GAB1: variants seen among roughly 807,000 people sequenced by gnomAD.
GAB1 encodes GRB2 associated binding protein 1.
GAB1 carries 19 observed loss-of-function variants against 66.5 expected under a neutral mutation model. That is an observed-to-expected ratio of 0.29 (90% confidence interval 0.20 to 0.42). GAB1 has a LOEUF of 0.42. Ranked by LOEUF, GAB1 falls within the 10% of genes least tolerant of loss-of-function variation. The pLI is 1.00. For missense variants in GAB1, 732 were observed against 858.5 expected (o/e 0.85, Z 1.84); for synonymous variants, 294 against 301.4 (o/e 0.98, Z 0.25).
chr4:143,436,000 A>G (rs1395653568), intron 3 of GAB1, among the ~76,000 whole-genome samples: 1 of 152,218 alleles, frequency 6.6e-6, no homozygotes, highest in Non-Finnish European at 1.5e-5. Context: ...TAGTCAGAGC[A>G]AGGAGCTTTA....
intron 6 of GAB1, among the ~76,000 whole-genome samples, chr4:143,458,458 A>C (rs1158231844): frequency 4.6e-5 from 7 of 152,000 alleles, no homozygotes; most frequent in South Asian, 4.1e-4. Flanking sequence ...TCAAAGATGA[A>C]ATTTTTTGTT....
At chr4:143,462,346 G>T (rs1338616513) in intron 8 of GAB1, among the ~76,000 whole-genome samples, 1 of 151,894 alleles carries the variant, frequency 6.6e-6, no homozygotes, top group Non-Finnish European at 1.5e-5. Flanking sequence ...TTCAACTTTG[G>T]GTAGTTGAGT....
rs1174906362 is a variant in GAB1 at position 143,466,218 on chromosome 4, C to T, written c.1919C>T (p.Pro640Leu). 3 of 1,613,422 alleles carry T rather than the reference C, an allele frequency of 1.9e-6. No individual in the cohort carries two copies. Among genetic ancestry groups the T allele is most frequent in the African/African-American group, 1.3e-5 (1 of 74,904 alleles). Reference protein sequence around the residue: ...LDLDSGKSTPPRKQKSSGSGS... With the variant: ...LDLDSGKSTPLRKQKSSGSGS... ...TTAGATTCTGGGAAATCCACACCAC[C>T]ACGTAAGGTGAGTGACATGTGACAT... is the stretch of plus-strand genomic sequence containing the variant. The change falls in exon 9 of 10, where the codon CCA becomes CTA. Residue 640 changes from proline to leucine, a missense_variant. Transcript: ENST00000262994.
At chr4:143,468,831 G>C (rs1468347548) in intron 9 of GAB1, among the ~76,000 whole-genome samples, 200 bp from the exon 10 acceptor site, 3 of 152,058 alleles carry the variant, frequency 2.0e-5, no homozygotes, top group African/African-American at 7.2e-5. Flanking sequence ...GCTGAGACAG[G>C]AGAATTGCTT....
intron 1 of GAB1, among the ~76,000 whole-genome samples, chr4:143,391,235 C>G (rs1731172546): frequency 6.6e-6 from 1 of 152,120 alleles, no homozygotes; most frequent in South Asian, 2.1e-4. Flanking sequence ...AATCAAAGAG[C>G]TTCTGTAACA....
rs568281286 is a variant in GAB1 at position 143,463,480 on chromosome 4, G to A, written c.1804-2623G>A. Reference sequence around the variant, plus strand: ...TCTATTAAAAATACAAAAATTAGCCGGGCGTGGTGGCAGGCGCCTGTAATC... The same window carrying A: ...TCTATTAAAAATACAAAAATTAGCCAGGCGTGGTGGCAGGCGCCTGTAATC... On this transcript the variant is annotated intron_variant, in intron 8 of 9. Coordinates refer to ENST00000262994, the MANE Select transcript of GAB1 (RefSeq NM_002039.4). 5.3e-5 allele frequency among the ~76,000 whole-genome samples: 8 copies of A among 151,836 alleles called. No individual in the cohort carries two copies. The South Asian group carries it at 6.2e-4, about 12-fold the overall frequency.
At chr4:143,440,015 A>G in intron 5 of GAB1, 64 bp from the exon 6 acceptor site, 1 of 1,484,124 alleles carries the variant, frequency 6.7e-7, no homozygotes, top group Non-Finnish European at 9.3e-7. Flanking sequence ...AGTGTGACTT[A>G]CAATTGTGTT....
At chr4:143,404,987 A>C (rs1011245802) in intron 1 of GAB1, among the ~76,000 whole-genome samples, 1 of 152,242 alleles carries the variant, frequency 6.6e-6, no homozygotes, top group African/African-American at 2.4e-5. Context: ...GCCTCTGTGC[A>C]GGAAAATTTT....
At chr4:143,460,257 A>G (rs1399682481) in intron 7 of GAB1, 107 bp from the exon 8 acceptor site, 39 of 1,035,488 alleles carry the variant, frequency 3.8e-5, no homozygotes, top group Non-Finnish European at 5.5e-5. Context: ...TATAAACATA[A>G]GGGAATATTT....
At chr4:143,373,822 CCTCT>C (rs3049718) in intron 1 of GAB1, among the ~76,000 whole-genome samples, 16,706 of 94,308 alleles carry the variant, frequency 0.18, 1,532 homozygotes, top group South Asian at 0.32. Flanking sequence ...GGAGTGAAAC[CCTCT>C]CTCTCTCTCT....
At position 143,336,989 on chromosome 4, in the gene GAB1, G is replaced by T; in HGVS notation, c.-200G>T. 1.8e-6 allele frequency: 1 copy of T among 554,396 alleles called. No homozygotes were observed. Among genetic ancestry groups the T allele is most frequent in the Non-Finnish European group, 3.2e-6 (1 of 312,064 alleles). The allele number at this position is 554,396 out of a possible 1,614,324, so 34.3% of individuals were successfully genotyped here. On this transcript the variant is annotated 5_prime_UTR_variant, in exon 1 of 10. Coordinates refer to ENST00000262994, the MANE Select transcript of GAB1 (RefSeq NM_002039.4). ...CGCCCGCGGCCCCGGCTCGCGTTCT[G>T]TTCAGGTTCGTGGGCCTGCAGAGGA...
intron 1 of GAB1, among the ~76,000 whole-genome samples, chr4:143,407,933 C>A (rs1732146039): frequency 1.3e-5 from 2 of 151,962 alleles, no homozygotes; most frequent in South Asian, 2.1e-4. Context: ...TTAAATATTT[C>A]AATGTATTAC....
intron 1 of GAB1, chr4:143,382,017 C>T (rs1730677333): frequency 1.3e-5 from 2 of 152,120 alleles, no homozygotes; most frequent in Admixed American, 6.5e-5. Context: ...CTTTTTAGGC[C>T]GCTCACATGA....
intron 1 of GAB1, among the ~76,000 whole-genome samples, chr4:143,368,227 T>C (rs1198532378): frequency 1.3e-5 from 2 of 152,096 alleles, no homozygotes; most frequent in East Asian, 3.8e-4. Flanking sequence ...TAATTTCTTC[T>C]ATTCTAATGA....
At chr4:143,418,953 G>A (rs1189816257) in intron 2 of GAB1, among the ~76,000 whole-genome samples, 1 of 152,114 alleles carries the variant, frequency 6.6e-6, no homozygotes, top group African/African-American at 2.4e-5. Context: ...TCTGCTCTGG[G>A]AAGGAAAGCT....
chr4:143,432,907 G>T (rs1733736485), intron 2 of GAB1, among the ~76,000 whole-genome samples: 1 of 152,194 alleles, frequency 6.6e-6, no homozygotes, highest in South Asian at 2.1e-4. Context: ...ATAAAGTTAT[G>T]AGCTGAGGGA....
At chr4:143,455,296 A>G (rs1012910254) in intron 6 of GAB1, among the ~76,000 whole-genome samples, 2 of 152,204 alleles carry the variant, frequency 1.3e-5, no homozygotes, top group Non-Finnish European at 2.9e-5. Flanking sequence ...AGGAGAAACA[A>G]TCAGTTTCAG....
At position 143,439,817 on chromosome 4, in the gene GAB1, A is replaced by G; in HGVS notation, c.1211A>G (p.Asp404Gly). Residue 404 changes from aspartate to glycine, a missense_variant, in exon 5 of 10, where the codon GAC becomes GGC. Physicochemically the swap from Asp to Gly is moderately conservative, Grantham distance 94 (BLOSUM62 -1). Transcript: ENST00000262994. ...TTTATTTTAGATGCTAGTTCTCAAG[A>G]CTGCTATGATATTCCACGAGCATTT... ...NKLRKDASSQ[D>G]CYDIPRAFPS... 6.2e-7 allele frequency: 1 copy of G among 1,612,424 alleles called. No individual in the cohort carries two copies. The highest frequency in any genetic ancestry group is 8.5e-7 in the Non-Finnish European group (1 of 1,178,500).
chr4:143,380,523 TAGAA>T (rs1208452664), intron 1 of GAB1: 4 of 152,200 alleles, frequency 2.6e-5, no homozygotes, highest in African/African-American at 7.2e-5. Context: ...TTCAAAGACT[TAGAA>T]AGTAAATTAG....
Sources: gnomAD v4.1 joint callset for allele counts (sites outside exome capture counted in the v4.1 genomes callset) on GRCh38, gnomAD v4.1.1 for gene constraint, MANE v1.5 for transcripts, NCBI Gene and HGNC (gene_info 2026-07-23, HGNC 2026-07-21) for gene names.